TENM2: variants seen among roughly 807,000 people sequenced by gnomAD.
TENM2 encodes the protein teneurin transmembrane protein 2, also known as teneurin-2.
In TENM2, 52 loss-of-function variants were observed where a neutral mutation model predicts 245.2. The observed-to-expected ratio is 0.21, with a 90% CI of 0.17 to 0.27. The LOEUF (loss-of-function observed/expected upper bound fraction) is 0.27. TENM2 is among the 10% of genes least tolerant of loss of function. The probability of loss-of-function intolerance (pLI) is 1.00; values close to 1 mark genes in which losing one functional copy is unlikely to be tolerated. For missense variants in TENM2, 3,046 were observed against 3,666.8 expected (o/e 0.83, Z 4.37); for synonymous variants, 1,363 against 1,438.9 (o/e 0.95, Z 1.19).
At chr5:168,158,312 A>G (rs540755056) in intron 12 of TENM2, among the ~76,000 whole-genome samples, 1 of 152,292 alleles carries the variant, frequency 6.6e-6, no homozygotes, top group Admixed American at 6.5e-5. Context: ...TTTTGATCTC[A>G]GAGAGGAAGT....
chr5:167,966,456 G>C (rs7716012), intron 4 of TENM2, among the ~76,000 whole-genome samples: 9,970 of 152,216 alleles, frequency 0.065, 352 homozygotes, highest in African/African-American at 0.086. Context: ...TGTTGGGCTT[G>C]CTGAGTGGTA....
chr5:167,110,002 T>A, the TENM2 span, among the ~76,000 whole-genome samples: 12 of 152,154 alleles, frequency 7.9e-5, no homozygotes, highest in Non-Finnish European at 1.6e-4. Flanking sequence ...ATAAAGAACC[T>A]TATATGCTCC....
At chr5:168,048,297 G>A (rs528779249) in intron 6 of TENM2, among the ~76,000 whole-genome samples, 6 of 152,308 alleles carry the variant, frequency 3.9e-5, no homozygotes, top group Admixed American at 2.0e-4. Flanking sequence ...AGGCTGGCAC[G>A]CAGTGAGATA....
exon 17 of TENM2, chr5:168,200,028 C>G (rs754216385): frequency 6.2e-7 from 1 of 1,614,004 alleles, no homozygotes; most frequent in Non-Finnish European, 8.5e-7. Flanking sequence ...AGGGGCATCT[C>G]TTCCAGAAGT....
chr5:168,128,389 G>A (rs1278758915), intron 12 of TENM2, among the ~76,000 whole-genome samples: 1 of 152,168 alleles, frequency 6.6e-6, no homozygotes, highest in African/African-American at 2.4e-5. Context: ...TTGCATGCCT[G>A]GTGTTATTTA....
the TENM2 span, among the ~76,000 whole-genome samples, chr5:166,999,297 A>G: frequency 5.9e-5 from 9 of 152,320 alleles, no homozygotes; most frequent in African/African-American, 2.2e-4. Context: ...AGTGAAGGAA[A>G]GAGGAAAAAA....
At chr5:167,959,299 A>C (rs559625213) in intron 4 of TENM2, among the ~76,000 whole-genome samples, 1 of 149,652 alleles carries the variant, frequency 6.7e-6, no homozygotes, top group South Asian at 2.1e-4. Flanking sequence ...GGTTCACGCC[A>C]TTCTCCTGAC....
the TENM2 span, among the ~76,000 whole-genome samples, chr5:167,018,033 T>C: frequency 6.6e-6 from 1 of 152,136 alleles, no homozygotes; most frequent in Non-Finnish European, 1.5e-5. Context: ...CTGTGAAAAA[T>C]AACATTGAAT....
At chr5:168,088,857 A>G (rs1463550366) in intron 7 of TENM2, among the ~76,000 whole-genome samples, 4 of 152,190 alleles carry the variant, frequency 2.6e-5, no homozygotes, top group African/African-American at 9.7e-5. Context: ...TGACGACGGG[A>G]AAGGCACATT....
intron 7 of TENM2, among the ~76,000 whole-genome samples, chr5:168,074,923 C>G (rs1338387274): frequency 6.6e-6 from 1 of 152,148 alleles, no homozygotes; most frequent in Non-Finnish European, 1.5e-5. Flanking sequence ...GTTAAAACTA[C>G]CCAATGTACA....
At chr5:167,545,018 A>C (rs1157021978) in intron 2 of TENM2, among the ~76,000 whole-genome samples, 2 of 152,090 alleles carry the variant, frequency 1.3e-5, no homozygotes, top group Non-Finnish European at 2.9e-5. Flanking sequence ...GACCCTTTTC[A>C]AGTCATTGAA....
the TENM2 span, among the ~76,000 whole-genome samples, chr5:167,002,265 A>G: frequency 6.6e-6 from 1 of 152,156 alleles, no homozygotes; most frequent in African/African-American, 2.4e-5. Context: ...TATATTGCCT[A>G]AATGAAACTA....
intron 7 of TENM2, among the ~76,000 whole-genome samples, chr5:168,080,291 T>C (rs1451711720): frequency 1.3e-5 from 2 of 152,226 alleles, no homozygotes; most frequent in Non-Finnish European, 2.9e-5. Flanking sequence ...CTTTATCATT[T>C]TGTATTGCAT....
the TENM2 span, among the ~76,000 whole-genome samples, chr5:167,013,088 G>T: frequency 6.6e-6 from 1 of 152,168 alleles, no homozygotes; most frequent in African/African-American, 2.4e-5. Flanking sequence ...ATTATAAAAA[G>T]AGGCCATTGG....
At chr5:168,141,619 A>C (rs1256204514) in intron 12 of TENM2, among the ~76,000 whole-genome samples, 2 of 152,248 alleles carry the variant, frequency 1.3e-5, no homozygotes, top group Admixed American at 1.3e-4. Flanking sequence ...ATCCAGAATC[A>C]AGAATGATGT....
chr5:167,251,584 G>A, the TENM2 span, among the ~76,000 whole-genome samples: 2 of 152,066 alleles, frequency 1.3e-5, no homozygotes, highest in African/African-American at 2.4e-5. Flanking sequence ...AAACCAATTT[G>A]GGCACACTCA....
intron 1 of TENM2, among the ~76,000 whole-genome samples, chr5:167,357,117 G>C (rs1310922478): frequency 6.6e-6 from 1 of 152,008 alleles, no homozygotes; most frequent in South Asian, 2.1e-4. Flanking sequence ...GAGGAAAAAG[G>C]CCTTGTCTTA....
intron 4 of TENM2, among the ~76,000 whole-genome samples, chr5:167,963,587 C>A (rs1781171761): frequency 6.6e-6 from 1 of 152,186 alleles, no homozygotes; most frequent in Non-Finnish European, 1.5e-5. Context: ...ATACAGATTT[C>A]TGGGTTTGAT....
intron 2 of TENM2, among the ~76,000 whole-genome samples, chr5:167,556,046 A>G (rs1018146969): frequency 2.0e-5 from 3 of 152,158 alleles, no homozygotes; most frequent in South Asian, 2.1e-4. Flanking sequence ...TAAATTTCCT[A>G]TGAACATGTT....
Sources: gnomAD v4.1 joint callset for allele counts (sites outside exome capture counted in the v4.1 genomes callset) on GRCh38, gnomAD v4.1.1 for gene constraint, MANE v1.5 for transcripts, NCBI Gene and HGNC (gene_info 2026-07-23, HGNC 2026-07-21) for gene names.